Variants in CNTNAP2 observed in about 807,000 individuals in gnomAD.
CNTNAP2 encodes contactin associated protein 2.
In CNTNAP2, 98 loss-of-function variants were observed where a neutral mutation model predicts 155.2. That is an observed-to-expected ratio of 0.63 (90% CI 0.54 to 0.75). The LOEUF is 0.75. CNTNAP2 is among the 30% of genes least tolerant of loss of function. The pLI is 0.00. For missense variants in CNTNAP2, 1,727 were observed against 1,688.1 expected (o/e 1.02, Z -0.40); for synonymous variants, 651 against 631.2 (o/e 1.03, Z -0.47).
At chr7:146,496,716 T>C (rs10263537) in intron 1 of CNTNAP2, among the ~76,000 whole-genome samples, 59,759 of 151,570 alleles carry the variant, frequency 0.39, 12,254 homozygotes, top group East Asian at 0.53. Context: ...CCAGGCTGTT[T>C]GTAGATTTTA....
chr7:146,767,978 C>A (rs1396197826), intron 1 of CNTNAP2, among the ~76,000 whole-genome samples: 3 of 151,944 alleles, frequency 2.0e-5, no homozygotes, highest in Non-Finnish European at 4.4e-5. Context: ...ATTAATTATA[C>A]AAAGTTAAGT....
intron 21 of CNTNAP2, among the ~76,000 whole-genome samples, chr7:148,272,735 C>T (rs972599336): frequency 2.6e-5 from 4 of 152,118 alleles, no homozygotes; most frequent in Non-Finnish European, 4.4e-5. Context: ...AAGTCTGGTA[C>T]AAGCAATGTT....
At chr7:146,258,444 CTTTA>C (rs954643869) in intron 1 of CNTNAP2, among the ~76,000 whole-genome samples, 2 of 151,956 alleles carry the variant, frequency 1.3e-5, no homozygotes, top group African/African-American at 2.4e-5. Context: ...ATATTTTATG[CTTTA>C]TTTATTTTCC....
intron 3 of CNTNAP2, among the ~76,000 whole-genome samples, chr7:146,935,118 A>C (rs1016672826): frequency 6.6e-6 from 1 of 152,198 alleles, no homozygotes; most frequent in Non-Finnish European, 1.5e-5. Flanking sequence ...CCTTTAAGGT[A>C]AATCTAACCA....
At chr7:147,976,157 A>G (rs1283799418) in intron 14 of CNTNAP2, among the ~76,000 whole-genome samples, 2 of 152,164 alleles carry the variant, frequency 1.3e-5, no homozygotes, top group African/African-American at 4.8e-5. Flanking sequence ...TTTGAGCCAT[A>G]CAAAAAGAAG....
rs1352031676 is a variant in CNTNAP2 at position 146,610,704 on chromosome 7, G to A, written c.98-163567G>A. Among the ~76,000 whole-genome samples, 12 of 151,900 alleles carry A rather than the reference G, an allele frequency of 7.9e-5. No individual in the cohort carries two copies. The East Asian group carries it at 1.2e-3, about 15-fold the overall frequency. ...GCAAATCTAGACTTCTAATGGTTCC[G>A]GTTGTTTTAAACATGTAATCTGGTC... is the stretch of plus-strand genomic sequence containing the variant. On this transcript the variant is annotated intron_variant, in intron 1 of 23. Coordinates refer to ENST00000361727, the MANE Select transcript of CNTNAP2 (RefSeq NM_014141.6).
At chr7:147,949,611 A>G (rs912284207) in intron 14 of CNTNAP2, among the ~76,000 whole-genome samples, 3 of 152,086 alleles carry the variant, frequency 2.0e-5, no homozygotes, top group Non-Finnish European at 2.9e-5. Context: ...AGCGAATTCA[A>G]AAGGAACCTG....
At chr7:147,921,106 G>A (rs1388111223) in intron 14 of CNTNAP2, among the ~76,000 whole-genome samples, 3 of 151,394 alleles carry the variant, frequency 2.0e-5, no homozygotes. Context: ...ACCACGCCCT[G>A]CCTCCTTTTT....
At chr7:148,226,725 A>G (rs542330166) in intron 19 of CNTNAP2, among the ~76,000 whole-genome samples, 1 of 152,242 alleles carries the variant, frequency 6.6e-6, no homozygotes, top group East Asian at 1.9e-4. Context: ...GCCACTGCGC[A>G]TGCAGACAGC....
chr7:147,779,564 C>CT (rs1797635037), intron 13 of CNTNAP2, among the ~76,000 whole-genome samples: 1 of 151,972 alleles, frequency 6.6e-6, no homozygotes, highest in Non-Finnish European at 1.5e-5. Context: ...TTTTTTCAAG[C>CT]TGTTTTTTAG....
chr7:146,560,258 C>T (rs1230610026), intron 1 of CNTNAP2, among the ~76,000 whole-genome samples: 1 of 151,696 alleles, frequency 6.6e-6, no homozygotes, highest in East Asian at 1.9e-4. Context: ...TTTTTAATGC[C>T]GATGAGTTTG....
intron 1 of CNTNAP2, among the ~76,000 whole-genome samples, chr7:146,581,847 A>G (rs2129147914): frequency 6.6e-6 from 1 of 152,190 alleles, no homozygotes; most frequent in Middle Eastern, 3.4e-3. Flanking sequence ...CATTGTCTAA[A>G]CTCAACTAGA....
At chr7:146,701,082 CA>C (rs1714991594) in intron 1 of CNTNAP2, among the ~76,000 whole-genome samples, 1 of 151,992 alleles carries the variant, frequency 6.6e-6, no homozygotes, top group Non-Finnish European at 1.5e-5. Flanking sequence ...ATGATTTTTC[CA>C]AGTGATTTTA....
intron 3 of CNTNAP2, among the ~76,000 whole-genome samples, chr7:146,862,468 C>T (rs895368145): frequency 6.6e-6 from 1 of 152,074 alleles, no homozygotes; most frequent in Non-Finnish European, 1.5e-5. Context: ...AATGTCCATC[C>T]TATGACATCT....
intron 8 of CNTNAP2, among the ~76,000 whole-genome samples, chr7:147,160,874 A>T (rs1205732924): frequency 6.6e-6 from 1 of 152,176 alleles, no homozygotes; most frequent in African/African-American, 2.4e-5. Context: ...GAAGCAATGA[A>T]TCTGCTGAGT....
At chr7:146,664,827 G>A (rs1382141671) in intron 1 of CNTNAP2, among the ~76,000 whole-genome samples, 2 of 152,090 alleles carry the variant, frequency 1.3e-5, no homozygotes. Flanking sequence ...ATAGATATAG[G>A]ACTATTTAGG....
intron 1 of CNTNAP2, among the ~76,000 whole-genome samples, chr7:146,464,187 G>GTTTTTTTTT (rs369508603): frequency 6.6e-5 from 6 of 91,544 alleles, no homozygotes; most frequent in African/African-American, 7.4e-5. Flanking sequence ...CTTTGAAACT[G>GTTTTTTTTT]TTTTTTTTTT....
intron 3 of CNTNAP2, among the ~76,000 whole-genome samples, chr7:147,042,455 C>A (rs1008899742): frequency 1.6e-4 from 25 of 152,206 alleles, no homozygotes; most frequent in Admixed American, 1.2e-3. Flanking sequence ...CCGGGGAATG[C>A]GGGTTGGATA....
At chr7:146,901,466 CT>C (rs1369368082) in intron 3 of CNTNAP2, among the ~76,000 whole-genome samples, 4 of 152,120 alleles carry the variant, frequency 2.6e-5, no homozygotes, top group Non-Finnish European at 5.9e-5. Context: ...GAGCATTACA[CT>C]TTGTCAATGT....
Sources: gnomAD v4.1 joint callset for allele counts (sites outside exome capture counted in the v4.1 genomes callset) on GRCh38, gnomAD v4.1.1 for gene constraint, MANE v1.5 for transcripts, NCBI Gene and HGNC (gene_info 2026-07-23, HGNC 2026-07-21) for gene names.